Variants in TSNARE1 observed in about 807,000 individuals in gnomAD.
TSNARE1 encodes the protein t-SNARE domain-containing protein 1.
Under a neutral mutation model 62.0 loss-of-function variants are expected in TSNARE1, and 49 were observed. The ratio of observed to expected loss-of-function variants is 0.79; its 90% CI spans 0.63 to 1.00. TSNARE1 has a LOEUF of 1.00. Ranked by LOEUF, TSNARE1 falls within the 50% of genes least tolerant of loss-of-function variation. TSNARE1 has a pLI of 0.00. For synonymous variants in TSNARE1, 328 were observed against 294.4 expected (o/e 1.11, Z -1.17); for missense variants, 755 against 700.1 (o/e 1.08, Z -0.88).
rs72687357 is a variant in TSNARE1, at chr8:142,275,677, G to C, written c.1364-814C>G. The C allele has an allele frequency of 1.1e-5, 11 of 985,308 alleles. No homozygotes were observed. The South Asian group carries it at 3.3e-4, about 29-fold the overall frequency. 61.0% of individuals were successfully genotyped at this position (985,308 alleles called of 1,614,324 possible). A position where few individuals can be genotyped will look rare whatever the true frequency, so the allele number is the denominator to read the frequency against. On this transcript the variant is annotated intron_variant, in intron 11 of 13. Transcript: ENST00000524325. ...CTTCCCGGAGGGAGGTTCCTTGCAA[G>C]GCCTGCCTCCAATCAGGCAACTGGA...
chr8:142,226,935 C>T (rs575714256), intron 13 of TSNARE1, among the ~76,000 whole-genome samples: 95 of 144,136 alleles, frequency 6.6e-4, no homozygotes, highest in African/African-American at 2.0e-3. Context: ...ACCCACAACC[C>T]CAGTGACAGC....
intron 12 of TSNARE1, among the ~76,000 whole-genome samples, chr8:142,253,538 ACCCCCCAG>A (rs1818281665): frequency 6.9e-6 from 1 of 144,812 alleles, no homozygotes; most frequent in African/African-American, 2.6e-5. Flanking sequence ...TAGGGCGGTC[ACCCCCCAG>A]TCACCAGCTC....
At chr8:142,320,392 G>A (rs1327781785) in intron 6 of TSNARE1, among the ~76,000 whole-genome samples, 1 of 143,660 alleles carries the variant, frequency 7.0e-6, no homozygotes, top group Non-Finnish European at 1.5e-5. Context: ...TCCTGCACCT[G>A]CAACTTCACC....
At position 142,225,754 on chromosome 8, in the gene TSNARE1, A is replaced by G. The variant is rs544471201; in HGVS notation, c.*11+3719T>C. ...ACACAGGTAACGTATGCAAACCACA[A>G]CCTGTCACTCAGATGTACTGGCTTC... is the stretch of plus-strand genomic sequence containing the variant. On this transcript the variant is annotated intron_variant, in intron 13 of 13. Coordinates refer to ENST00000524325, the MANE Select transcript of TSNARE1 (RefSeq NM_145003.5). Among the ~76,000 whole-genome samples the G allele has an allele frequency of 5.3e-5, 8 of 152,324 alleles. No homozygotes were observed. The South Asian group carries it at 1.7e-3, about 32-fold the overall frequency.
chr8:142,330,534 C>G (rs1830864068), intron 6 of TSNARE1, among the ~76,000 whole-genome samples: 1 of 152,248 alleles, frequency 6.6e-6, no homozygotes, highest in South Asian at 2.1e-4. Context: ...TGAGCAGGCC[C>G]CAACAGGGAG....
chr8:142,274,650 G>T, intron 12 of TSNARE1, 131 bp downstream of exon 12: 1 of 1,363,020 alleles, frequency 7.3e-7, no homozygotes. Context: ...CTGGTTCAGA[G>T]GAGGCCTGTG....
rs765946008 is a variant in TSNARE1 at position 142,284,444 on chromosome 8, G to A, written c.1332C>T (p.Ala444=). 6 of 1,613,780 alleles carry A rather than the reference G, an allele frequency of 3.7e-6. No individual in the cohort carries two copies. The highest frequency in any genetic ancestry group is 4.5e-5 in the East Asian group (2 of 44,886). The change falls in exon 11 of 14, where the codon GCC becomes GCT. Residue 444 remains alanine, a synonymous_variant. Transcript: ENST00000524325. ...CTTCTCCTTGCTCTGACACCATGGA[G>A]GCCAAGTCCTTGATGATCTGATTCA... ...LDVNQIIKDL[A]SMVSEQGEAV...
intron 12 of TSNARE1, among the ~76,000 whole-genome samples, chr8:142,248,085 T>C (rs1817979580): frequency 6.6e-6 from 1 of 152,178 alleles, no homozygotes; most frequent in African/African-American, 2.4e-5. Context: ...GGCTGCTCCC[T>C]CATGACGGGG....
At chr8:142,337,201 G>C (rs78109438) in intron 4 of TSNARE1, among the ~76,000 whole-genome samples, 1 of 152,070 alleles carries the variant, frequency 6.6e-6, no homozygotes, top group Non-Finnish European at 1.5e-5. Context: ...AAAATCAATC[G>C]ATTTACATGG....
At chr8:142,269,990 A>G (rs1208306665) in intron 12 of TSNARE1, 1 of 985,264 alleles carries the variant, frequency 1.0e-6, no homozygotes, top group Non-Finnish European at 1.2e-6. Flanking sequence ...GCTGTGCCAG[A>G]GCTTCCCCGG....
intron 12 of TSNARE1, among the ~76,000 whole-genome samples, chr8:142,266,300 C>T (rs2130437600): frequency 6.6e-6 from 1 of 152,336 alleles, no homozygotes; most frequent in East Asian, 1.9e-4. Flanking sequence ...GATTTACTTA[C>T]ACATTTACCA....
chr8:142,231,183 C>T (rs1313240730), intron 12 of TSNARE1, among the ~76,000 whole-genome samples: 1 of 152,240 alleles, frequency 6.6e-6, no homozygotes, highest in Non-Finnish European at 1.5e-5. Flanking sequence ...GAGGGACCCA[C>T]ATACTGGCCT....
At chr8:142,248,941 C>T (rs945997593) in intron 12 of TSNARE1, among the ~76,000 whole-genome samples, 8 of 152,360 alleles carry the variant, frequency 5.3e-5, no homozygotes, top group Admixed American at 2.6e-4. Flanking sequence ...CCACTACCCA[C>T]GCCTCCTCCA....
At chr8:142,390,306 A>G (rs1448324087) in intron 1 of TSNARE1, among the ~76,000 whole-genome samples, 17 of 145,262 alleles carry the variant, frequency 1.2e-4, no homozygotes, top group African/African-American at 3.1e-4. Flanking sequence ...GGACTCCGTA[A>G]CAGACGCTGT....
intron 12 of TSNARE1, chr8:142,269,387 G>A: frequency 1.0e-6 from 1 of 972,240 alleles, no homozygotes; most frequent in African/African-American, 1.8e-5. Flanking sequence ...TTGGGGCTCA[G>A]CTAGCACCAG....
intron 6 of TSNARE1, among the ~76,000 whole-genome samples, chr8:142,327,073 C>T (rs1044111973): frequency 2.0e-5 from 3 of 152,202 alleles, no homozygotes; most frequent in South Asian, 2.1e-4. Context: ...CAAAGGATTA[C>T]ACAAAGAGCC....
intron 12 of TSNARE1, among the ~76,000 whole-genome samples, chr8:142,235,800 G>A (rs1817381168): frequency 2.6e-5 from 4 of 152,198 alleles, no homozygotes; most frequent in South Asian, 4.1e-4. Context: ...AAAGGGAAGC[G>A]GCCCTGAGCG....
Position 142,281,429 on chromosome 8 carries a change from G to A in TSNARE1, c.1363+2984C>T, listed in dbSNP as rs553805222. On this transcript the variant is annotated intron_variant, in intron 11 of 13. Transcript: ENST00000524325. ...AGGGATGGGGTCCCTGTGGGAGGGG[G>A]GCAAGGTCAGCATCCCCTCAAAAGC... Among the ~76,000 whole-genome samples the A allele has an allele frequency of 4.3e-3, 661 of 152,122 alleles. 6 individuals carry two copies. The highest frequency in any genetic ancestry group is 0.015 in the African/African-American group (614 of 41,510).
intron 1 of TSNARE1, among the ~76,000 whole-genome samples, chr8:142,388,740 T>C (rs1415892384): frequency 6.6e-6 from 1 of 151,948 alleles, no homozygotes; most frequent in Non-Finnish European, 1.5e-5. Flanking sequence ...GTATTTTTAG[T>C]AGAGACGGGG....
Sources: allele counts gnomAD v4.1 joint callset (sites outside exome capture counted in the v4.1 genomes callset), GRCh38; gene constraint gnomAD v4.1.1; transcripts MANE v1.5; gene names NCBI Gene and HGNC (gene_info 2026-07-23, HGNC 2026-07-21).